The following GRM7 variants were observed in gnomAD, a reference collection of about 807,000 sequenced individuals.
GRM7 encodes the protein glutamate metabotropic receptor 7.
A neutral mutation model predicts 84.5 loss-of-function variants in GRM7; 35 were observed. That is an observed-to-expected ratio of 0.41 (90% CI 0.32 to 0.55). The LOEUF (loss-of-function observed/expected upper bound fraction) is 0.55. Ranked by LOEUF, GRM7 falls within the 20% of genes least tolerant of loss-of-function variation. The pLI, the probability that GRM7 is intolerant of heterozygous loss-of-function variation, is 0.19. For synonymous variants in GRM7, 487 were observed against 455.1 expected, an observed-to-expected ratio of 1.07 and a Z score of -0.89; for missense variants, 1,003 against 1,194.6, an observed-to-expected ratio of 0.84 and a Z score of 2.36.
At position 7,474,519 on chromosome 3, in the gene GRM7, T is replaced by C. The variant is rs994331186; in HGVS notation, c.1515+12797T>C. ...CTGAAATGAGAAAAGTCCCCCTTGA[T>C]CCCTCAGTTGTGCACATACATAAAT... On this transcript the variant is annotated intron_variant, in intron 7 of 9. Coordinates refer to ENST00000357716, the MANE Select transcript of GRM7 (RefSeq NM_000844.4). 2.7e-4 allele frequency among the ~76,000 whole-genome samples: 41 copies of C among 151,536 alleles called. 1 individual carries two copies. The highest frequency in any genetic ancestry group is 3.4e-3 in the Middle Eastern group (1 of 290).
At chr3:7,503,443 A>T (rs1387136464) in intron 7 of GRM7, among the ~76,000 whole-genome samples, 2 of 152,036 alleles carry the variant, frequency 1.3e-5, no homozygotes, top group Non-Finnish European at 2.9e-5. Flanking sequence ...TATGTATCAC[A>T]TCAAATGCAA....
At chr3:6,908,628 C>G (rs1696662403) in intron 1 of GRM7, among the ~76,000 whole-genome samples, 1 of 152,134 alleles carries the variant, frequency 6.6e-6, no homozygotes, top group African/African-American at 2.4e-5. Context: ...TGTACCTGTC[C>G]TCGCACAGAG....
intron 8 of GRM7, among the ~76,000 whole-genome samples, chr3:7,644,427 C>T (rs1436767707): frequency 6.6e-6 from 1 of 152,166 alleles, no homozygotes; most frequent in Non-Finnish European, 1.5e-5. Context: ...CCTAATTCCT[C>T]AGTTATCTCC....
chr3:6,956,684 G>A (rs546407350), intron 1 of GRM7: 1 of 454,418 alleles, frequency 2.2e-6, no homozygotes, highest in East Asian at 7.0e-5. Context: ...TGAATCTCTC[G>A]CAACTCCAAA....
chr3:7,504,290 C>A (rs1164605195), intron 7 of GRM7, among the ~76,000 whole-genome samples: 1 of 152,106 alleles, frequency 6.6e-6, no homozygotes, highest in Non-Finnish European at 1.5e-5. Flanking sequence ...AAGCTTTTTC[C>A]TGCTTCTTTG....
At chr3:7,071,804 G>A (rs1466450179) in intron 1 of GRM7, among the ~76,000 whole-genome samples, 1 of 151,902 alleles carries the variant, frequency 6.6e-6, no homozygotes, top group Non-Finnish European at 1.5e-5. Flanking sequence ...ATAAGCCATT[G>A]GTGAAGTTAG....
chr3:7,343,555 AT>A (rs201885300), intron 4 of GRM7, among the ~76,000 whole-genome samples: 6,325 of 152,106 alleles, frequency 0.042, 292 homozygotes, highest in African/African-American at 0.12. Flanking sequence ...AAATTGCTTG[AT>A]TTTTTTATTA....
chr3:7,303,919 A>G (rs1575142920), intron 3 of GRM7, among the ~76,000 whole-genome samples: 2 of 144,782 alleles, frequency 1.4e-5, no homozygotes, highest in Admixed American at 7.0e-5. Context: ...TTGCTGGAGC[A>G]TATCCTGTAG....
At chr3:7,336,105 G>T (rs931981623) in intron 4 of GRM7, among the ~76,000 whole-genome samples, 1 of 151,186 alleles carries the variant, frequency 6.6e-6, no homozygotes, top group African/African-American at 2.4e-5. Flanking sequence ...AAAAAACACA[G>T]ACCAATATCC....
Position 7,188,722 on chromosome 3 carries a change from A to C in GRM7, c.736+42054A>C, listed in dbSNP as rs140635962. On this transcript the variant is annotated intron_variant, in intron 2 of 9. Coordinates refer to ENST00000357716, the MANE Select transcript of GRM7 (RefSeq NM_000844.4). The surrounding 1 kb of genome is among the most constrained non-coding windows in gnomAD (Gnocchi z 4.2). ...TTCTCATTCCTGTACTATTCAAGGCATCTGTTTTCTATTGGTGGACAGCTT... is the reference window on the plus strand; with the variant it reads ...TTCTCATTCCTGTACTATTCAAGGCCTCTGTTTTCTATTGGTGGACAGCTT... 8.5e-5 allele frequency among the ~76,000 whole-genome samples: 13 copies of C among 152,272 alleles called. No individual in the cohort carries two copies. The East Asian group carries it at 2.5e-3, about 29-fold the overall frequency.
At chr3:6,993,289 G>A (rs1694712677) in intron 1 of GRM7, among the ~76,000 whole-genome samples, 1 of 152,136 alleles carries the variant, frequency 6.6e-6, no homozygotes, top group Admixed American at 6.5e-5. Flanking sequence ...TACAATTCAA[G>A]ATGAGATTTG....
At position 6,970,114 on chromosome 3, in the gene GRM7, C is replaced by CA. The variant is rs567189882; in HGVS notation, c.519+108213dup. 3.1e-3 allele frequency among the ~76,000 whole-genome samples: 473 copies of CA among 152,142 alleles called. 5 individuals carry two copies. Among genetic ancestry groups the CA allele is most frequent in the African/African-American group, 9.8e-3 (408 of 41,510 alleles). ...AAATTACATTTCTAGGTACATCTTCCAAAAAAGAAGTTTACTCTGATTAAC... is the reference window on the plus strand; with the variant it reads ...AAATTACATTTCTAGGTACATCTTCCAAAAAAAGAAGTTTACTCTGATTAAC... On this transcript the variant is annotated intron_variant, in intron 1 of 9. Coordinates refer to ENST00000357716, the MANE Select transcript of GRM7 (RefSeq NM_000844.4).
chr3:7,377,188 C>T (rs897616372), intron 4 of GRM7, among the ~76,000 whole-genome samples: 3 of 152,054 alleles, frequency 2.0e-5, no homozygotes, highest in African/African-American at 7.2e-5. Context: ...GAGGGGAGAA[C>T]ATATTGAGAT....
At chr3:7,548,300 T>C (rs543480995) in intron 7 of GRM7, among the ~76,000 whole-genome samples, 5 of 152,288 alleles carry the variant, frequency 3.3e-5, no homozygotes, top group African/African-American at 1.2e-4. Flanking sequence ...TCTTGCTCCC[T>C]CTCTTACCAT....
At chr3:6,876,165 G>A (rs1219100245) in intron 1 of GRM7, among the ~76,000 whole-genome samples, 2 of 152,050 alleles carry the variant, frequency 1.3e-5, no homozygotes, top group Non-Finnish European at 2.9e-5. Context: ...TTACTCGGGA[G>A]GCTGAGGCAC....
intron 1 of GRM7, among the ~76,000 whole-genome samples, chr3:6,949,248 C>A (rs559467124): frequency 1.9e-4 from 29 of 152,210 alleles, no homozygotes; most frequent in African/African-American, 7.0e-4. Context: ...TAGAGCAGGC[C>A]TGGTGGTGAC....
intron 1 of GRM7, among the ~76,000 whole-genome samples, chr3:6,922,420 T>A (rs534515489): frequency 1.3e-5 from 2 of 152,344 alleles, no homozygotes; most frequent in South Asian, 2.1e-4. Context: ...ATTCTCCAAC[T>A]GTAATACTTC....
At chr3:6,971,862 TTG>T (rs1389018672) in intron 1 of GRM7, among the ~76,000 whole-genome samples, 3 of 152,216 alleles carry the variant, frequency 2.0e-5, no homozygotes, top group African/African-American at 7.2e-5. Flanking sequence ...CTCATCATGG[TTG>T]TTTTATTAAA....
chr3:7,258,321 G>A (rs1698284667), intron 2 of GRM7, among the ~76,000 whole-genome samples: 1 of 152,116 alleles, frequency 6.6e-6, no homozygotes, highest in African/African-American at 2.4e-5. Context: ...CTAGAGTGTA[G>A]GGGTCTATGG....
Sources: allele counts gnomAD v4.1 joint callset (sites outside exome capture counted in the v4.1 genomes callset), GRCh38; gene constraint gnomAD v4.1.1; non-coding constraint Gnocchi (gnomAD v3.1); transcripts MANE v1.5; gene names NCBI Gene and HGNC (gene_info 2026-07-23, HGNC 2026-07-21).